The following STAB2 variants were observed in gnomAD, a reference collection of about 807,000 sequenced individuals.
The protein encoded by STAB2 is stabilin 2, also known as stabilin-2.
A neutral mutation model predicts 338.1 loss-of-function variants in STAB2; 288 were observed. The ratio of observed to expected loss-of-function variants is 0.85; its 90% CI spans 0.77 to 0.94. The LOEUF (loss-of-function observed/expected upper bound fraction) is 0.94, where lower values mean the gene tolerates loss of function less well. Among genes scored for constraint, STAB2 ranks in the 40% least tolerant of loss-of-function variants. STAB2 has a pLI of 0.00. For missense variants in STAB2, 3,141 were observed against 3,210.1 expected, an observed-to-expected ratio of 0.98 and a Z score of 0.52; for synonymous variants, 1,202 against 1,193.3, an observed-to-expected ratio of 1.01 and a Z score of -0.15.
Position 103,759,205 on chromosome 12 carries a change from G to A in STAB2, c.7180G>A (p.Gly2394Ser). 6.2e-7 allele frequency: 1 copy of A among 1,614,144 alleles called. No individual in the cohort carries two copies. Among genetic ancestry groups the A allele is most frequent in the East Asian group, 2.2e-5 (1 of 44,882 alleles). ...SMFFYNDLVN[G>S]TTLQTRLGSK... ...GTTTTTCTACAATGACCTTGTCAAT[G>A]GCACCACCCTGCAAACGAGGCTGGG... is the stretch of plus-strand genomic sequence containing the variant. The change falls in exon 65 of 69, where the codon GGC (glycine) becomes AGC (serine). Residue 2394 changes from glycine (G) to serine (S), a missense_variant. Gly to Ser is a moderately conservative substitution (Grantham distance 56). Transcript: ENST00000388887.
Position 103,759,524 on chromosome 12 carries a change from T to A in STAB2, c.7248+251T>A, listed in dbSNP as rs114928040. Among the ~76,000 whole-genome samples the A allele has an allele frequency of 6.0e-3, 914 of 152,330 alleles. 2 individuals carry two copies. The highest frequency in any genetic ancestry group is 0.021 in the African/African-American group (882 of 41,570). On this transcript the variant is annotated intron_variant, in intron 65 of 68. Coordinates refer to ENST00000388887, the MANE Select transcript of STAB2 (RefSeq NM_017564.10). ...AATGAACCCATTTTAAAGCTGATTC[T>A]CCGCCTTCATTTTGGTCAGCTTGTC... is the stretch of plus-strand genomic sequence containing the variant.
Position 103,763,771 on chromosome 12 carries a change from G to C in STAB2, c.7605+163G>C, listed in dbSNP as rs75755568. The stretch of plus-strand genomic sequence containing the variant: ...CAGTTTTGCAAGCTGACTGAAGCCA[G>C]TGTGGTTGCTCAGAGTTCCTGGGTT... On this transcript the variant is annotated intron_variant, in intron 68 of 68. Transcript: ENST00000388887. 110 of 633,128 alleles carry C rather than the reference G, an allele frequency of 1.7e-4. 1 individual carries two copies. The African/African-American group carries it at 1.9e-3, about 11-fold the overall frequency. The allele number at this position is 633,128 out of a possible 1,614,324, so 39.2% of individuals were successfully genotyped here.
chr12:103,751,363 C>A (rs554535074), intron 60 of STAB2, among the ~76,000 whole-genome samples: 1 of 152,086 alleles, frequency 6.6e-6, no homozygotes, highest in African/African-American at 2.4e-5. Context: ...CCCCTAGTGG[C>A]AGGGTCTGTA....
intron 42 of STAB2, among the ~76,000 whole-genome samples, chr12:103,714,640 T>C (rs1285454970): frequency 6.6e-6 from 1 of 151,794 alleles, no homozygotes; most frequent in Non-Finnish European, 1.5e-5. Flanking sequence ...TGAGCTGAGA[T>C]TGTGCCACTG....
chr12:103,638,341 A>T (rs1957586180), intron 8 of STAB2, 129 bp downstream of exon 8: 2 of 1,023,312 alleles, frequency 2.0e-6, no homozygotes, highest in Admixed American at 5.1e-5. Context: ...TCCCCTCCAG[A>T]CAGTCCTCCA....
intron 24 of STAB2, among the ~76,000 whole-genome samples, 160 bp downstream of exon 24, chr12:103,676,181 C>T (rs1409935078): frequency 6.6e-6 from 1 of 151,304 alleles, no homozygotes; most frequent in Non-Finnish European, 1.5e-5. Context: ...CCTGCCTCAG[C>T]CTCCCGAGTA....
chr12:103,667,637 A>G (rs1009265460), intron 19 of STAB2, among the ~76,000 whole-genome samples: 2 of 152,180 alleles, frequency 1.3e-5, no homozygotes, highest in African/African-American at 4.8e-5. Context: ...ACACCTGGTT[A>G]ATTATCCTGA....
intron 22 of STAB2, among the ~76,000 whole-genome samples, chr12:103,672,880 G>A (rs144980824): frequency 2.0e-5 from 3 of 152,266 alleles, no homozygotes; most frequent in Non-Finnish European, 2.9e-5. Flanking sequence ...AGTCACGAAC[G>A]GAAATGGACT....
At chr12:103,634,894 A>G (rs1188411955) in intron 6 of STAB2, among the ~76,000 whole-genome samples, 1 of 152,024 alleles carries the variant, frequency 6.6e-6, no homozygotes, top group Non-Finnish European at 1.5e-5. Flanking sequence ...AATATATAAA[A>G]CCTCTACTCA....
At chr12:103,695,985 T>A in intron 33 of STAB2, 141 bp downstream of exon 33, 1 of 785,152 alleles carries the variant, frequency 1.3e-6, no homozygotes, top group Non-Finnish European at 2.1e-6. Flanking sequence ...GTGCAGAGAC[T>A]CTCTCATACA....
intron 25 of STAB2, among the ~76,000 whole-genome samples, chr12:103,681,004 C>T (rs1006251378): frequency 1.3e-5 from 2 of 152,196 alleles, no homozygotes; most frequent in South Asian, 2.1e-4. Context: ...TTGTGCGAGG[C>T]GACAGACAAA....
At chr12:103,621,926 A>G in intron 4 of STAB2, 116 bp from the exon 5 acceptor site, 1 of 874,812 alleles carries the variant, frequency 1.1e-6, no homozygotes, top group Non-Finnish European at 1.8e-6. Flanking sequence ...AAGCTCCAGG[A>G]TAGGCACAGA....
intron 48 of STAB2, 57 bp from the exon 49 acceptor site, chr12:103,730,059 A>G: frequency 6.7e-7 from 1 of 1,496,294 alleles, no homozygotes; most frequent in Non-Finnish European, 8.9e-7. Context: ...TGTGAGAAGC[A>G]ATTTTGTGTC....
At chr12:103,599,568 C>A (rs960394392) in intron 3 of STAB2, among the ~76,000 whole-genome samples, 2 of 152,164 alleles carry the variant, frequency 1.3e-5, no homozygotes, top group Non-Finnish European at 2.9e-5. Flanking sequence ...ACAGGGCACC[C>A]AGTTCTATTT....
intron 37 of STAB2, 63 bp from the exon 38 acceptor site, chr12:103,706,729 C>A: frequency 1.3e-6 from 2 of 1,596,738 alleles, no homozygotes; most frequent in South Asian, 1.1e-5. Context: ...AGGATTTCTA[C>A]ACCGAGGCTG....
chr12:103,673,885 G>A, intron 22 of STAB2, 22 bp from the exon 23 acceptor site: 1 of 1,602,234 alleles, frequency 6.2e-7, no homozygotes, highest in Non-Finnish European at 8.5e-7. Flanking sequence ...CTGGACGGAT[G>A]TCCCTCCTCC....
chr12:103,648,660 C>A, intron 9 of STAB2, 30 bp from the exon 10 acceptor site: 2 of 1,608,120 alleles, frequency 1.2e-6, no homozygotes, highest in African/African-American at 2.7e-5. Context: ...GCTCTAAAAC[C>A]CTGAGGATGT....
intron 67 of STAB2, 31 bp from the exon 68 acceptor site, chr12:103,763,461 T>C (rs759571934): frequency 1.9e-6 from 3 of 1,607,914 alleles, no homozygotes; most frequent in East Asian, 2.2e-5. Flanking sequence ...TTGGGGATGC[T>C]CCTGGCTTTC....
At chr12:103,651,156 T>C (rs1873710978) in intron 11 of STAB2, among the ~76,000 whole-genome samples, 1 of 152,206 alleles carries the variant, frequency 6.6e-6, no homozygotes. Context: ...AATATAGTTA[T>C]ATTTGGTCTA....
Sources: gnomAD v4.1 joint callset for allele counts (sites outside exome capture counted in the v4.1 genomes callset) on GRCh38, gnomAD v4.1.1 for gene constraint, MANE v1.5 for transcripts, NCBI Gene and HGNC (gene_info 2026-07-23, HGNC 2026-07-21) for gene names.